CLVS1: variants seen among roughly 807,000 people sequenced by gnomAD.
The protein encoded by CLVS1 is clavesin 1, also known as clavesin-1.
CLVS1 carries 10 observed loss-of-function variants against 33.1 expected under a neutral mutation model. The ratio of observed to expected loss-of-function variants is 0.30; its 90% CI spans 0.19 to 0.51. CLVS1 has a LOEUF of 0.51. Among genes scored for constraint, CLVS1 ranks in the 20% least tolerant of loss-of-function variants. The pLI is 0.97. For missense variants in CLVS1, 343 were observed against 433.4 expected, an observed-to-expected ratio of 0.79 and a Z score of 1.85; for synonymous variants, 163 against 166.1, an observed-to-expected ratio of 0.98 and a Z score of 0.14.
chr8:61,187,463 A>G (rs1362531512), intron 2 of CLVS1, among the ~76,000 whole-genome samples: 1 of 152,192 alleles, frequency 6.6e-6, no homozygotes, highest in African/African-American at 2.4e-5. Context: ...TTAATGTGAT[A>G]ATAAAAGGAA....
chr8:61,348,445 C>T (rs1020144994), intron 2 of CLVS1, among the ~76,000 whole-genome samples: 1 of 151,866 alleles, frequency 6.6e-6, no homozygotes, highest in Admixed American at 6.6e-5. Context: ...CAAACCTGCA[C>T]GTTGTGCACA....
chr8:61,274,991 G>A (rs1420518442), intron 2 of CLVS1, among the ~76,000 whole-genome samples: 1 of 151,970 alleles, frequency 6.6e-6, no homozygotes, highest in Non-Finnish European at 1.5e-5. Flanking sequence ...TTTTAAAGGT[G>A]CCCAATTTGC....
chr8:61,252,533 T>A (rs1808972607), intron 2 of CLVS1, among the ~76,000 whole-genome samples: 1 of 152,166 alleles, frequency 6.6e-6, no homozygotes, highest in Non-Finnish European at 1.5e-5. Flanking sequence ...AATCTCCCAC[T>A]ATTATTGTGT....
intron 3 of CLVS1, among the ~76,000 whole-genome samples, chr8:61,382,563 A>G (rs775650877): frequency 5.3e-5 from 8 of 152,190 alleles, no homozygotes; most frequent in Non-Finnish European, 1.0e-4. Context: ...GGTGATTTGC[A>G]TGCATATTAA....
intron 1 of CLVS1, among the ~76,000 whole-genome samples, chr8:61,119,724 G>T (rs1425567422): frequency 1.4e-4 from 17 of 123,738 alleles, no homozygotes; most frequent in East Asian, 5.2e-4. Context: ...GGCTTGTAGG[G>T]TTTCTGCTGA....
chr8:61,235,835 T>C (rs1224018802), intron 2 of CLVS1, among the ~76,000 whole-genome samples: 4 of 152,172 alleles, frequency 2.6e-5, no homozygotes, highest in Non-Finnish European at 5.9e-5. Flanking sequence ...ATAGAGATCA[T>C]TAGGGCCAAG....
chr8:61,286,386 T>C (rs1809781570), upstream of CLVS1, among the ~76,000 whole-genome samples: 1 of 152,206 alleles, frequency 6.6e-6, no homozygotes, highest in African/African-American at 2.4e-5. Context: ...CCATAGAGCA[T>C]AGAACTTACC....
At chr8:61,164,911 A>G (rs952473132) in intron 2 of CLVS1, among the ~76,000 whole-genome samples, 7 of 152,198 alleles carry the variant, frequency 4.6e-5, no homozygotes, top group Admixed American at 3.9e-4. Context: ...TATTATTACC[A>G]GGGGTCCTTG....
intron 2 of CLVS1, among the ~76,000 whole-genome samples, chr8:61,328,606 C>T (rs529245613): frequency 8.6e-4 from 130 of 151,952 alleles, no homozygotes; most frequent in Non-Finnish European, 1.5e-3. Flanking sequence ...TCATACAAAT[C>T]GATTACTTCC....
the CLVS1 span, among the ~76,000 whole-genome samples, chr8:61,016,769 C>T: frequency 6.6e-6 from 1 of 152,172 alleles, no homozygotes; most frequent in Non-Finnish European, 1.5e-5. Context: ...CCCCAGAATA[C>T]AGAAGGCTTG....
chr8:61,389,355 C>T (rs549717468), intron 3 of CLVS1, among the ~76,000 whole-genome samples: 29 of 152,092 alleles, frequency 1.9e-4, no homozygotes, highest in African/African-American at 3.9e-4. Flanking sequence ...CTGGCTAACA[C>T]GGTGAAACCT....
At chr8:61,133,780 G>A (rs1463218264) in intron 2 of CLVS1, among the ~76,000 whole-genome samples, 1 of 152,130 alleles carries the variant, frequency 6.6e-6, no homozygotes, top group Non-Finnish European at 1.5e-5. Context: ...TGGCCCTGGG[G>A]TAGTTCAAGG....
chr8:61,433,301 T>C (rs1374512072), intron 3 of CLVS1, among the ~76,000 whole-genome samples: 1 of 152,200 alleles, frequency 6.6e-6, no homozygotes, highest in Non-Finnish European at 1.5e-5. Context: ...AGTGAATCTG[T>C]ATTTTACACA....
intron 2 of CLVS1, among the ~76,000 whole-genome samples, chr8:61,261,666 G>T (rs188974128): frequency 6.6e-6 from 1 of 152,280 alleles, no homozygotes; most frequent in African/African-American, 2.4e-5. Flanking sequence ...ACCCCAAATA[G>T]CTCCCTGGTC....
At chr8:61,212,900 T>C (rs957447821) in intron 2 of CLVS1, among the ~76,000 whole-genome samples, 1 of 152,156 alleles carries the variant, frequency 6.6e-6, no homozygotes, top group Non-Finnish European at 1.5e-5. Context: ...TCCATCATCC[T>C]CTGGCAGTGC....
chr8:61,481,772 C>T (rs1351999866), intron 5 of CLVS1, among the ~76,000 whole-genome samples: 1 of 152,226 alleles, frequency 6.6e-6, no homozygotes, highest in African/African-American at 2.4e-5. Flanking sequence ...CCTCTGGGGG[C>T]AGGGTATAGC....
chr8:61,437,771 C>T (rs1816390532), intron 3 of CLVS1, among the ~76,000 whole-genome samples: 1 of 152,162 alleles, frequency 6.6e-6, no homozygotes, highest in Non-Finnish European at 1.5e-5. Context: ...GGAATTTTAA[C>T]TTGGATTTGA....
chr8:61,293,142 G>A (rs756811555), intron 1 of CLVS1, among the ~76,000 whole-genome samples: 2 of 152,164 alleles, frequency 1.3e-5, no homozygotes, highest in African/African-American at 2.4e-5. Context: ...TTAGTCCTAG[G>A]CTAGGACTAA....
chr8:61,280,297 A>T (rs1336099041), intron 2 of CLVS1, among the ~76,000 whole-genome samples: 2 of 152,238 alleles, frequency 1.3e-5, no homozygotes, highest in Admixed American at 1.3e-4. Context: ...GAAGAAGAGA[A>T]AAAGAAGCAA....
Sources: allele counts gnomAD v4.1 joint callset (sites outside exome capture counted in the v4.1 genomes callset), GRCh38; gene constraint gnomAD v4.1.1; transcripts MANE v1.5; gene names NCBI Gene and HGNC (gene_info 2026-07-23, HGNC 2026-07-21).